The following NFIX variants were observed in gnomAD, a reference collection of about 807,000 sequenced individuals.
NFIX encodes the protein nuclear factor I X, also known as nuclear factor 1 X-type.
NFIX carries 2 observed loss-of-function variants against 53.3 expected under a neutral mutation model. That is an observed-to-expected ratio of 0.04 (90% CI 0.02 to 0.12). NFIX has a LOEUF of 0.12. Ranked by LOEUF, NFIX falls within the 10% of genes least tolerant of loss-of-function variation. NFIX has a pLI of 1.00. For missense variants in NFIX, 310 were observed against 674.5 expected, an observed-to-expected ratio of 0.46 and a Z score of 5.99; for synonymous variants, 244 against 289.0, an observed-to-expected ratio of 0.84 and a Z score of 1.58.
In NFIX at chr19:12,998,516, G is replaced by T. The variant is rs2011552148; in HGVS notation, c.27+2652G>T. Among the ~76,000 whole-genome samples the T allele has an allele frequency of 6.6e-6, 1 of 152,062 alleles. No homozygotes were observed. Among genetic ancestry groups the T allele is most frequent in the Admixed American group, 6.6e-5 (1 of 15,266 alleles). On this transcript the variant is annotated intron_variant, in intron 1 of 10. Transcript: ENST00000592199. This position sits in a 1 kb window ranked among gnomAD's most constrained non-coding sequence, Gnocchi z 4.4. ...TCGAAATTCAGGGCGGCCGGGTGGGGCGGTTCCTGGAGCTGCTGGAGTCCA... is the reference window on the plus strand; with the variant it reads ...TCGAAATTCAGGGCGGCCGGGTGGGTCGGTTCCTGGAGCTGCTGGAGTCCA...
chr19:13,000,895 C>T (rs537455601), intron 1 of NFIX, among the ~76,000 whole-genome samples: 2 of 152,276 alleles, frequency 1.3e-5, no homozygotes, highest in African/African-American at 4.8e-5. Context: ...GGGCAAAATG[C>T]CCCCGTGGTT....
chr19:13,077,008 A>G (rs1056166354), intron 6 of NFIX, among the ~76,000 whole-genome samples: 1 of 152,098 alleles, frequency 6.6e-6, no homozygotes. Context: ...CATGGGCCAC[A>G]TGCTTCCCTA....
At chr19:13,058,638 G>C (rs1033861941) in intron 2 of NFIX, among the ~76,000 whole-genome samples, 6 of 151,764 alleles carry the variant, frequency 4.0e-5, no homozygotes, top group Admixed American at 3.9e-4. Flanking sequence ...GCTGCAGTGA[G>C]CTATGATGGC....
At chr19:13,077,093 CG>C (rs1344510859) in intron 6 of NFIX, among the ~76,000 whole-genome samples, 2 of 152,064 alleles carry the variant, frequency 1.3e-5, no homozygotes, top group Non-Finnish European at 2.9e-5. Flanking sequence ...GGTCCCTGGC[CG>C]GGGCCTCAGT....
intron 2 of NFIX, among the ~76,000 whole-genome samples, chr19:13,054,714 C>T (rs1260183854): frequency 6.6e-6 from 1 of 152,110 alleles, no homozygotes; most frequent in East Asian, 1.9e-4. Context: ...GGGTGTCCTC[C>T]CTGGGTTAGG....
intron 1 of NFIX, among the ~76,000 whole-genome samples, chr19:13,008,386 C>G (rs1000484340): frequency 6.6e-6 from 1 of 152,192 alleles, no homozygotes; most frequent in African/African-American, 2.4e-5. Flanking sequence ...AAGCAATGCT[C>G]CAGTGTCGGC....
At chr19:13,057,491 C>T (rs2015782541) in intron 2 of NFIX, among the ~76,000 whole-genome samples, 2 of 152,228 alleles carry the variant, frequency 1.3e-5, no homozygotes, top group South Asian at 2.1e-4. Flanking sequence ...CTTTCGCTCC[C>T]ACCAAGCCGG....
chr19:13,005,059 C>T lies in NFIX; in HGVS notation c.27+9195C>T, dbSNP rs1454699900. Among the ~76,000 whole-genome samples, 6 of 152,044 alleles carry T rather than the reference C, an allele frequency of 3.9e-5. No homozygotes were observed. The highest frequency in any genetic ancestry group is 3.9e-4 in the East Asian group (2 of 5,192). ...CTCAAACTCCTGGCCTCAAGTGATC[C>T]GCCCGCCTCGGCCTCCCAAAGTGCT... On this transcript the variant is annotated intron_variant, in intron 1 of 10. Transcript: ENST00000592199. The surrounding 1 kb of genome is among the most constrained non-coding windows in gnomAD (Gnocchi z 4.7).
intron 2 of NFIX, among the ~76,000 whole-genome samples, chr19:13,033,215 G>A (rs2013943740): frequency 6.6e-6 from 1 of 152,226 alleles, no homozygotes; most frequent in African/African-American, 2.4e-5. Context: ...TTGAGTTTAA[G>A]GGTTGTTGGC....
Position 13,006,467 on chromosome 19 carries a change from C to A in NFIX, c.27+10603C>A, listed in dbSNP as rs946757133. Among the ~76,000 whole-genome samples, 1 of 152,222 alleles carries A rather than the reference C, an allele frequency of 6.6e-6. No individual in the cohort carries two copies. Among genetic ancestry groups the A allele is most frequent in the African/African-American group, 2.4e-5 (1 of 41,452 alleles). On this transcript the variant is annotated intron_variant, in intron 1 of 10. Transcript: ENST00000592199. The surrounding 1 kb of genome is among the most constrained non-coding windows in gnomAD (Gnocchi z 5.6). ...AAATCTGGGGACAAGATGGCCGAGGCCTTTCCTTTACAGAAACTGGGGCTT... is the reference window on the plus strand; with the variant it reads ...AAATCTGGGGACAAGATGGCCGAGGACTTTCCTTTACAGAAACTGGGGCTT...
chr19:13,073,531 G>A lies in NFIX; in HGVS notation c.697+35G>A, dbSNP rs2016893828. The A allele has an allele frequency of 1.3e-6, 2 of 1,588,116 alleles. No individual in the cohort carries two copies. Among genetic ancestry groups the A allele is most frequent in the South Asian group, 1.1e-5 (1 of 90,590 alleles). On this transcript the variant is annotated intron_variant, in intron 4 of 10. Coordinates refer to ENST00000592199, the MANE Select transcript of NFIX (RefSeq NM_001365902.3). The surrounding 1 kb of genome is among the most constrained non-coding windows in gnomAD (Gnocchi z 4.5). ...TCCTTCCTTCCAGGCCAGGGATGGG[G>A]ATTGAAAGTGAGGAGGTGGGACCTC... is the stretch of plus-strand genomic sequence containing the variant.
chr19:13,010,385 G>A (rs1199055309), intron 1 of NFIX, among the ~76,000 whole-genome samples: 1 of 152,236 alleles, frequency 6.6e-6, no homozygotes, highest in Non-Finnish European at 1.5e-5. Context: ...CCCCAGCCCG[G>A]CAACTCGGAC....
intron 8 of NFIX, among the ~76,000 whole-genome samples, chr19:13,084,398 T>C (rs1326624881): frequency 6.6e-6 from 1 of 151,936 alleles, no homozygotes; most frequent in Non-Finnish European, 1.5e-5. Flanking sequence ...GAGCCAAGAT[T>C]GCGCCACTGC....
rs1373307647 is a variant in NFIX at position 13,037,822 on chromosome 19, G to T, written c.559+12270G>T. On this transcript the variant is annotated intron_variant, in intron 2 of 10. Coordinates refer to ENST00000592199, the MANE Select transcript of NFIX (RefSeq NM_001365902.3). The surrounding 1 kb of genome is among the most constrained non-coding windows in gnomAD (Gnocchi z 4.2). ...GTTGTCACAGTTGTGGGGGGAGGGT[G>T]CTATTGGAATCTAGTGGGAAGAGTC... 6.6e-6 allele frequency among the ~76,000 whole-genome samples: 1 copy of T among 152,140 alleles called. No individual in the cohort carries two copies. The highest frequency in any genetic ancestry group is 1.9e-4 in the East Asian group (1 of 5,186).
At chr19:13,082,110 C>T (rs2017507694) in intron 8 of NFIX, 1 of 512,936 alleles carries the variant, frequency 1.9e-6, no homozygotes, top group African/African-American at 1.9e-5. Flanking sequence ...AGGCTCCTTG[C>T]CTTTCCCATG....
intron 1 of NFIX, among the ~76,000 whole-genome samples, chr19:12,999,970 A>G (rs150819890): frequency 6.6e-6 from 1 of 152,184 alleles, no homozygotes; most frequent in African/African-American, 2.4e-5. Context: ...TCATGAGATG[A>G]GCTGGGGCTC....
Position 13,097,101 on chromosome 19 carries a change from G to C in NFIX, c.*2452G>C, listed in dbSNP as rs562692004. Reference sequence around the variant, plus strand: ...TTTGTTGTAATGTCCTCGCGGCTCTGGGGACGCTAAAAGAACCGGGCCTGC... The same window carrying C: ...TTTGTTGTAATGTCCTCGCGGCTCTCGGGACGCTAAAAGAACCGGGCCTGC... On this transcript the variant is annotated 3_prime_UTR_variant, in exon 11 of 11. Coordinates refer to ENST00000592199, the MANE Select transcript of NFIX (RefSeq NM_001365902.3). 6.6e-6 allele frequency: 1 copy of C among 151,534 alleles called. No individual in the cohort carries two copies. The highest frequency in any genetic ancestry group is 1.9e-4 in the East Asian group (1 of 5,172). 9.4% of individuals were successfully genotyped at this position (151,534 alleles called of 1,614,324 possible). A position where few individuals can be genotyped will look rare whatever the true frequency, so the allele number is the denominator to read the frequency against.
intron 1 of NFIX, chr19:13,023,937 T>TCCAC: frequency 4.0e-6 from 1 of 247,760 alleles, no homozygotes; most frequent in Non-Finnish European, 7.5e-6. Context: ...CTGCTCCTCC[T>TCCAC]CCTCCCCCCT....
At chr19:13,041,563 G>A (rs924630213) in intron 2 of NFIX, among the ~76,000 whole-genome samples, 4 of 152,072 alleles carry the variant, frequency 2.6e-5, no homozygotes, top group African/African-American at 9.7e-5. Flanking sequence ...TTGGGAGGCC[G>A]AGGCAGGCAG....
Sources: gnomAD v4.1 joint callset for allele counts (sites outside exome capture counted in the v4.1 genomes callset) on GRCh38, gnomAD v4.1.1 for gene constraint, Gnocchi (gnomAD v3.1) non-coding constraint, MANE v1.5 for transcripts, NCBI Gene and HGNC (gene_info 2026-07-23, HGNC 2026-07-21) for gene names.